The following NRBP2 variants were observed in gnomAD, a reference collection of about 807,000 sequenced individuals.
The protein encoded by NRBP2 is nuclear receptor binding protein 2, also known as nuclear receptor-binding protein 2.
A neutral mutation model predicts 74.4 loss-of-function variants in NRBP2; 47 were observed. That is an observed-to-expected ratio of 0.63 (90% CI 0.50 to 0.81). The LOEUF (loss-of-function observed/expected upper bound fraction) is 0.81, where lower values mean the gene tolerates loss of function less well. NRBP2 is among the 30% of genes least tolerant of loss of function. The probability of loss-of-function intolerance (pLI) is 0.00; values close to 1 mark genes in which losing one functional copy is unlikely to be tolerated. For synonymous variants in NRBP2, 312 were observed against 273.8 expected (o/e 1.14, Z -1.38); for missense variants, 613 against 690.1 (o/e 0.89, Z 1.25).
chr8:143,837,588 TCCC>T lies in NRBP2; in HGVS notation c.973+32_973+34del. ...CCCCTTCCACGTCCCAACCTCCACC[TCCC>T]CAGCCACCCCCCGGGCCGGCCTGCT... On this transcript the variant is annotated intron_variant, in intron 11 of 17. Transcript: ENST00000442628. The surrounding 1 kb of genome is among the most constrained non-coding windows in gnomAD (Gnocchi z 4.3). The T allele has an allele frequency of 6.3e-7, 1 of 1,595,194 alleles. No homozygotes were observed. Among genetic ancestry groups the T allele is most frequent in the East Asian group, 2.3e-5 (1 of 44,246 alleles).
In NRBP2 at chr8:143,835,545, C is replaced by G. The variant is rs781873731; in HGVS notation, c.*117G>C. 1.2e-6 allele frequency: 1 copy of G among 862,892 alleles called. No individual in the cohort carries two copies. 53.5% of individuals were successfully genotyped at this position (862,892 alleles called of 1,614,324 possible). A position where few individuals can be genotyped will look rare whatever the true frequency, so the allele number is the denominator to read the frequency against. The stretch of plus-strand genomic sequence containing the variant: ...AGGAGACGGGGGGTTCCTTCACTAC[C>G]GGGGCCTTTGTGCTCCCAGGCGCAT... On this transcript the variant is annotated 3_prime_UTR_variant, in exon 18 of 18. Coordinates refer to ENST00000442628, the MANE Select transcript of NRBP2 (RefSeq NM_178564.4). The surrounding 1 kb of genome is among the most constrained non-coding windows in gnomAD (Gnocchi z 4.9).
Position 143,837,748 on chromosome 8 carries a change from A to G in NRBP2, c.848T>C (p.Ile283Thr). Residue 283 changes from isoleucine (I) to threonine (T), a missense_variant, in exon 11 of 18, where the codon ATC becomes ACC. Coordinates refer to ENST00000442628, the MANE Select transcript of NRBP2 (RefSeq NM_178564.4). The surrounding 1 kb of genome is among the most constrained non-coding windows in gnomAD (Gnocchi z 4.3). ...SLSDPNMREF[I>T]LCCLARDPAR... Reference sequence around the variant, plus strand: ...AGGGTCCCGGGCCAGGCAGCAAAGGATGAACTCCTGGGGCACAGGGAGGAG... The same window carrying G: ...AGGGTCCCGGGCCAGGCAGCAAAGGGTGAACTCCTGGGGCACAGGGAGGAG... The G allele has an allele frequency of 6.4e-7, 1 of 1,560,172 alleles. No homozygotes were observed. Among genetic ancestry groups the G allele is most frequent in the Non-Finnish European group, 8.7e-7 (1 of 1,151,232 alleles).
At chr8:143,832,120 C>G (rs987618013), downstream of NRBP2, among the ~76,000 whole-genome samples, 3 of 152,100 alleles carry the variant, frequency 2.0e-5, no homozygotes, top group South Asian at 6.2e-4. Context: ...ATGACCTTAC[C>G]CCCAACCCCG....
chr8:143,839,123 G>A lies in NRBP2; in HGVS notation c.605-23C>T. 3.3e-6 allele frequency: 5 copies of A among 1,512,946 alleles called. No homozygotes were observed. The highest frequency in any genetic ancestry group is 4.4e-6 in the Non-Finnish European group (5 of 1,132,798). 93.7% of individuals were successfully genotyped at this position (1,512,946 alleles called of 1,614,324 possible). On this transcript the variant is annotated intron_variant, in intron 7 of 17. Transcript: ENST00000442628. This position sits in a 1 kb window ranked among gnomAD's most constrained non-coding sequence, Gnocchi z 5.1. ...GTGCTGTGGGAGGGCGCAGAGCTGA[G>A]CGGGCGGGGACCTCTCCAGGACCCC...
In NRBP2 at chr8:143,838,721, T is replaced by C; in HGVS notation, c.799A>G (p.Ile267Val). Residue 267 changes from isoleucine (I) to valine (V), a missense_variant, in exon 10 of 18, where the codon ATT (isoleucine) becomes GTT (valine). Around this residue, in one of 2 missense-constraint regions of NRBP2, gnomAD observed 332 missense variants for 429.2 expected, o/e 0.77. Coordinates refer to ENST00000442628, the MANE Select transcript of NRBP2 (RefSeq NM_178564.4). ...NGDTRVTEEA[I>V]ARARHSLSDP... is the part of the protein sequence containing the mutation. The stretch of plus-strand genomic sequence containing the variant: ...CTCAGCGAGTGCCTGGCGCGAGCAA[T>C]GGCCTCCTCTGTGACCCGGGTGTCC... 1.2e-6 allele frequency: 2 copies of C among 1,613,128 alleles called. No homozygotes were observed. The highest frequency in any genetic ancestry group is 1.7e-6 in the Non-Finnish European group (2 of 1,179,582).
In NRBP2 at chr8:143,839,448, A is replaced by AGGAGGCTCTGGAGAGAT. The variant is rs1563864331; in HGVS notation, c.485+44_486-41dup. 1 of 1,535,712 alleles carries AGGAGGCTCTGGAGAGAT rather than the reference A, an allele frequency of 6.5e-7. No individual in the cohort carries two copies. Among genetic ancestry groups the AGGAGGCTCTGGAGAGAT allele is most frequent in the Non-Finnish European group, 8.7e-7 (1 of 1,146,792 alleles). On this transcript the variant is annotated intron_variant, in intron 5 of 17. Coordinates refer to ENST00000442628, the MANE Select transcript of NRBP2 (RefSeq NM_178564.4). The surrounding 1 kb of genome is among the most constrained non-coding windows in gnomAD (Gnocchi z 5.1). The stretch of plus-strand genomic sequence containing the variant: ...GAGGGGAGAGTAGGAGGAGCCGGTC[A>AGGAGGCTCTGGAGAGAT]GGAGGCTCTGGAGAGATGGGGGCTC...
At chr8:143,836,461 C>T (rs1245397800) in intron 14 of NRBP2, among the ~76,000 whole-genome samples, 9 of 151,832 alleles carry the variant, frequency 5.9e-5, no homozygotes, top group Non-Finnish European at 7.4e-5. Context: ...GGGACAGGAC[C>T]GCGCCGAAGT....
In NRBP2 at chr8:143,837,835, G is replaced by C. The variant is rs782219114; in HGVS notation, c.841-80C>G. 5 of 1,517,262 alleles carry C rather than the reference G, an allele frequency of 3.3e-6. No individual in the cohort carries two copies. In the South Asian group the frequency reaches 6.0e-5, roughly 18 times the overall value. 94.0% of individuals were successfully genotyped at this position (1,517,262 alleles called of 1,614,324 possible). On this transcript the variant is annotated intron_variant, in intron 10 of 17. Transcript: ENST00000442628. This position sits in a 1 kb window ranked among gnomAD's most constrained non-coding sequence, Gnocchi z 4.3. ...CGCAGTTCGAGGAGAGGTGGCCCCT[G>C]AGTTCCCCATGTCCCTCCTCAGGGA...
chr8:143,834,216 C>A lies in NRBP2; in HGVS notation c.*1446G>T, dbSNP rs1456259110. 2 of 152,226 alleles carry A rather than the reference C, an allele frequency of 1.3e-5. No individual in the cohort carries two copies. The highest frequency in any genetic ancestry group is 6.5e-5 in the Admixed American group (1 of 15,288). The allele number at this position is 152,226 out of a possible 1,614,324, so 9.4% of individuals were successfully genotyped here. A position where few individuals can be genotyped will look rare whatever the true frequency, so the allele number is the denominator to read the frequency against. On this transcript the variant is annotated 3_prime_UTR_variant, in exon 18 of 18. Transcript: ENST00000442628. ...TAATCTCATGAGTCCTTAGGGACAA[C>A]CTTTCCTGTCTGCAGGGAACCAGAG...
chr8:143,837,200 G>A lies in NRBP2; in HGVS notation c.1128-26C>T, dbSNP rs1554652062. The A allele has an allele frequency of 6.2e-7, 1 of 1,613,874 alleles. No individual in the cohort carries two copies. Among genetic ancestry groups the A allele is most frequent in the Non-Finnish European group, 8.5e-7 (1 of 1,179,956 alleles). On this transcript the variant is annotated intron_variant, in intron 13 of 17. Transcript: ENST00000442628. This position sits in a 1 kb window ranked among gnomAD's most constrained non-coding sequence, Gnocchi z 4.3. ...CTGGGGACACAACAGGGTGGCTGGG[G>A]GTTCAGGCCTGACAGCTGCCTGGCC...
Position 143,837,312 on chromosome 8 carries a change from T to C in NRBP2, c.1077-13A>G, listed in dbSNP as rs1198397772. 1 of 1,291,830 alleles carries C rather than the reference T, an allele frequency of 7.7e-7. No homozygotes were observed. Among genetic ancestry groups the C allele is most frequent in the African/African-American group, 2.2e-5 (1 of 45,380 alleles). 80.0% of individuals were successfully genotyped at this position (1,291,830 alleles called of 1,614,324 possible). A position where few individuals can be genotyped will look rare whatever the true frequency, so the allele number is the denominator to read the frequency against. ...GACTTCCGAGTACCTGGCATGGAAG[T>C]GGGAGGCACATGAGGGGCTGGCCGG... is the stretch of plus-strand genomic sequence containing the variant. On this transcript the variant is annotated splice_polypyrimidine_tract_variant and intron_variant, in intron 12 of 17. Coordinates refer to ENST00000442628, the MANE Select transcript of NRBP2 (RefSeq NM_178564.4). This position sits in a 1 kb window ranked among gnomAD's most constrained non-coding sequence, Gnocchi z 4.3.
chr8:143,832,201 T>TA (rs1285235344), downstream of NRBP2, among the ~76,000 whole-genome samples: 4 of 151,844 alleles, frequency 2.6e-5, no homozygotes, highest in Non-Finnish European at 4.4e-5. Flanking sequence ...TGTGCTTTGT[T>TA]AAACAGATGC....
chr8:143,836,209 A>C, intron 14 of NRBP2, 29 bp from the exon 15 acceptor site: 3 of 1,513,884 alleles, frequency 2.0e-6, no homozygotes, highest in Non-Finnish European at 2.6e-6. Flanking sequence ...GGGACTCACA[A>C]ACCCAGCAGC....
chr8:143,831,462 T>G (rs1177426652), downstream of NRBP2, among the ~76,000 whole-genome samples: 2 of 152,080 alleles, frequency 1.3e-5, no homozygotes, highest in Non-Finnish European at 2.9e-5. Context: ...CAAAAAGTAA[T>G]TTTAAAAAAC....
chr8:143,833,678 T>C lies in NRBP2; in HGVS notation c.*1984A>G, dbSNP rs1818244804. The C allele has an allele frequency of 6.6e-6, 1 of 152,312 alleles. No individual in the cohort carries two copies. Among genetic ancestry groups the C allele is most frequent in the Non-Finnish European group, 1.5e-5 (1 of 68,034 alleles). The allele number at this position is 152,312 out of a possible 1,614,324, so 9.4% of individuals were successfully genotyped here. ...TTTAAAAACAATACATATATAATTC[T>C]GAAAAGATAAAATTTAAAAGGAAAA... On this transcript the variant is annotated 3_prime_UTR_variant, in exon 18 of 18. Transcript: ENST00000442628.
chr8:143,835,499 G>C lies in NRBP2; in HGVS notation c.*163C>G, dbSNP rs1818320421. On this transcript the variant is annotated 3_prime_UTR_variant, in exon 18 of 18. Transcript: ENST00000442628. This position sits in a 1 kb window ranked among gnomAD's most constrained non-coding sequence, Gnocchi z 4.9. Reference sequence around the variant, plus strand: ...CACCCCCCAACCCCTCGGCGCCCAAGGCAGGGTCAGCCCCACTCTCAGGAG... The same window carrying C: ...CACCCCCCAACCCCTCGGCGCCCAACGCAGGGTCAGCCCCACTCTCAGGAG... 2.9e-6 allele frequency: 2 copies of C among 684,036 alleles called. No homozygotes were observed. Among genetic ancestry groups the C allele is most frequent in the Non-Finnish European group, 5.0e-6 (2 of 396,830 alleles). 42.4% of individuals were successfully genotyped at this position (684,036 alleles called of 1,614,324 possible). A position where few individuals can be genotyped will look rare whatever the true frequency, so the allele number is the denominator to read the frequency against.
In NRBP2 at chr8:143,840,613, C is replaced by A. The variant is rs1281298235; in HGVS notation, c.129+93G>T. ...GCCGCGGAGAGGTTTCCAGCCGCCG[C>A]GCTCTCCCAGCGCCCCCACGCCCCG... On this transcript the variant is annotated intron_variant, in intron 1 of 17. Transcript: ENST00000442628. The surrounding 1 kb of genome is among the most constrained non-coding windows in gnomAD (Gnocchi z 5.7). 2.5e-6 allele frequency: 3 copies of A among 1,218,858 alleles called. No homozygotes were observed. Among genetic ancestry groups the A allele is most frequent in the Non-Finnish European group, 2.2e-6 (2 of 925,190 alleles). The allele number at this position is 1,218,858 out of a possible 1,614,324, so 75.5% of individuals were successfully genotyped here.
chr8:143,839,122 A>T lies in NRBP2; in HGVS notation c.605-22T>A. On this transcript the variant is annotated intron_variant, in intron 7 of 17. Coordinates refer to ENST00000442628, the MANE Select transcript of NRBP2 (RefSeq NM_178564.4). This position sits in a 1 kb window ranked among gnomAD's most constrained non-coding sequence, Gnocchi z 5.1. ...AGTGCTGTGGGAGGGCGCAGAGCTG[A>T]GCGGGCGGGGACCTCTCCAGGACCC... 1 of 1,512,960 alleles carries T rather than the reference A, an allele frequency of 6.6e-7. No homozygotes were observed. The allele number at this position is 1,512,960 out of a possible 1,614,324, so 93.7% of individuals were successfully genotyped here. A position where few individuals can be genotyped will look rare whatever the true frequency, so the allele number is the denominator to read the frequency against.
Position 143,835,778 on chromosome 8 carries a change from G to A in NRBP2, c.1437+42C>T, listed in dbSNP as rs369165414. The A allele has an allele frequency of 1.1e-4, 170 of 1,602,348 alleles. No homozygotes were observed. In the African/African-American group the frequency reaches 1.6e-3, roughly 16 times the overall value. ...GGGACGGAGGGGCGCGGCCTGCCCCGTGCGCCCCCTCCGCCAGGCCGCGCC... is the reference window on the plus strand; with the variant it reads ...GGGACGGAGGGGCGCGGCCTGCCCCATGCGCCCCCTCCGCCAGGCCGCGCC... On this transcript the variant is annotated intron_variant, in intron 17 of 17. Coordinates refer to ENST00000442628, the MANE Select transcript of NRBP2 (RefSeq NM_178564.4). The surrounding 1 kb of genome is among the most constrained non-coding windows in gnomAD (Gnocchi z 4.9).
Sources: gnomAD v4.1 joint callset for allele counts (sites outside exome capture counted in the v4.1 genomes callset) on GRCh38, gnomAD v4.1.1 for gene constraint, gnomAD v4.1.1 regional missense constraint, Gnocchi (gnomAD v3.1) non-coding constraint, MANE v1.5 for transcripts, NCBI Gene and HGNC (gene_info 2026-07-23, HGNC 2026-07-21) for gene names.